Variants in FBLN1 observed in about 807,000 individuals in gnomAD.
FBLN1 encodes fibulin-1.
A neutral mutation model predicts 89.7 loss-of-function variants in FBLN1; 34 were observed. The observed-to-expected ratio is 0.38, with a 90% CI of 0.29 to 0.50. The LOEUF (loss-of-function observed/expected upper bound fraction) is 0.50. Among genes scored for constraint, FBLN1 ranks in the 20% least tolerant of loss-of-function variants. The probability of loss-of-function intolerance (pLI) is 0.92; values close to 1 mark genes in which losing one functional copy is unlikely to be tolerated. For missense variants in FBLN1, 777 were observed against 988.1 expected (o/e 0.79, Z 2.86); for synonymous variants, 393 against 391.3 (o/e 1.00, Z -0.05).
chr22:45,531,193 A>G lies in FBLN1; in HGVS notation c.485-72A>G. 7.6e-7 allele frequency: 1 copy of G among 1,311,250 alleles called. No individual in the cohort carries two copies. The highest frequency in any genetic ancestry group is 1.2e-5 in the South Asian group (1 of 84,818). 81.2% of individuals were successfully genotyped at this position (1,311,250 alleles called of 1,614,324 possible). A position where few individuals can be genotyped will look rare whatever the true frequency, so the allele number is the denominator to read the frequency against. On this transcript the variant is annotated intron_variant, in intron 4 of 16. Transcript: ENST00000327858. The surrounding 1 kb of genome is among the most constrained non-coding windows in gnomAD (Gnocchi z 4.9). ...CTGCCTGATAGTGACAAGAAGAGAG[A>G]ATGTTGGGAGTTTCTTTTAAGATAA...
intron 8 of FBLN1, among the ~76,000 whole-genome samples, chr22:45,538,028 T>G (rs972963635): frequency 6.6e-6 from 1 of 152,236 alleles, no homozygotes; most frequent in South Asian, 2.1e-4. Context: ...GACTTTCCTC[T>G]CTACAGGGTG....
At chr22:45,552,752 C>G (rs1251638821) in intron 14 of FBLN1, among the ~76,000 whole-genome samples, 1 of 152,186 alleles carries the variant, frequency 6.6e-6, no homozygotes, top group African/African-American at 2.4e-5. Flanking sequence ...GGGCTGGTAA[C>G]TGGAGCATGA....
At chr22:45,586,981 C>T (rs575393546) in intron 16 of FBLN1, among the ~76,000 whole-genome samples, 2 of 152,268 alleles carry the variant, frequency 1.3e-5, no homozygotes, top group East Asian at 3.9e-4. Context: ...CCTTGACATG[C>T]TGCCGTTCTC....
At position 45,575,742 on chromosome 22, in the gene FBLN1, C is replaced by T. The variant is rs766021409; in HGVS notation, c.1840+1089C>T. ...TTTCTCTGGAGCAGGGCCTGGGCTG[C>T]GTGCTCCCAAGCCTGGCAGAGGGCT... On this transcript the variant is annotated intron_variant, in intron 15 of 16. Transcript: ENST00000327858. The surrounding 1 kb of genome is among the most constrained non-coding windows in gnomAD (Gnocchi z 6.3). Among the ~76,000 whole-genome samples, 6 of 152,164 alleles carry T rather than the reference C, an allele frequency of 3.9e-5. No individual in the cohort carries two copies. Among genetic ancestry groups the T allele is most frequent in the Non-Finnish European group, 5.9e-5 (4 of 68,022 alleles).
chr22:45,595,349 G>A (rs774789448), intron 16 of FBLN1, among the ~76,000 whole-genome samples: 4 of 152,172 alleles, frequency 2.6e-5, no homozygotes, highest in South Asian at 2.1e-4. Flanking sequence ...GTGTGCAGCC[G>A]TACAGTCTGT....
At chr22:45,511,745 G>T (rs62225001) in intron 1 of FBLN1, among the ~76,000 whole-genome samples, 2,676 of 151,978 alleles carry the variant, frequency 0.018, 37 homozygotes, top group Non-Finnish European at 0.031. Context: ...CACTGCTCCC[G>T]GCCTCTTCCC....
rs924607245 is a variant in FBLN1 at position 45,575,274 on chromosome 22, T to C, written c.1840+621T>C. Among the ~76,000 whole-genome samples the C allele has an allele frequency of 1.3e-5, 2 of 151,882 alleles. No individual in the cohort carries two copies. The highest frequency in any genetic ancestry group is 4.8e-5 in the African/African-American group (2 of 41,326). ...AGGGAGGGCCTCCGGGAGGAAGTGATGGCTAGGCTGGGTCCTGAGTGGTGA... is the reference window on the plus strand; with the variant it reads ...AGGGAGGGCCTCCGGGAGGAAGTGACGGCTAGGCTGGGTCCTGAGTGGTGA... On this transcript the variant is annotated intron_variant, in intron 15 of 16. Transcript: ENST00000327858. This position sits in a 1 kb window ranked among gnomAD's most constrained non-coding sequence, Gnocchi z 6.3.
rs967253168 is a variant in FBLN1, at chr22:45,532,127, G to T, written c.544+803G>T. On this transcript the variant is annotated intron_variant, in intron 5 of 16. Transcript: ENST00000327858. This position sits in a 1 kb window ranked among gnomAD's most constrained non-coding sequence, Gnocchi z 4.2. ...CCCTGTGGTTAGGGTGTTAATTAGGGGCCAGTTTAATTCTTAAATGATGCA... is the reference window on the plus strand; with the variant it reads ...CCCTGTGGTTAGGGTGTTAATTAGGTGCCAGTTTAATTCTTAAATGATGCA... Among the ~76,000 whole-genome samples, 1 of 152,168 alleles carries T rather than the reference G, an allele frequency of 6.6e-6. No individual in the cohort carries two copies. Among genetic ancestry groups the T allele is most frequent in the Non-Finnish European group, 1.5e-5 (1 of 68,034 alleles).
chr22:45,593,250 C>T (rs1277117206), intron 16 of FBLN1, among the ~76,000 whole-genome samples: 3 of 143,524 alleles, frequency 2.1e-5, no homozygotes, highest in African/African-American at 5.2e-5. Flanking sequence ...AAGATGGCTT[C>T]GAGATGGGGC....
chr22:45,538,306 CTATT>C (rs1328103017), intron 8 of FBLN1, among the ~76,000 whole-genome samples: 2 of 152,240 alleles, frequency 1.3e-5, no homozygotes, highest in Non-Finnish European at 2.9e-5. Flanking sequence ...TAAAAGATCT[CTATT>C]TATTTCAAAA....
intron 14 of FBLN1, among the ~76,000 whole-genome samples, chr22:45,554,220 C>T (rs1454920457): frequency 6.6e-6 from 1 of 152,010 alleles, no homozygotes; most frequent in Non-Finnish European, 1.5e-5. Context: ...TCCCTGCACC[C>T]GGAAGCGCAG....
At chr22:45,570,816 G>A (rs1249213147) in intron 14 of FBLN1, among the ~76,000 whole-genome samples, 1 of 152,088 alleles carries the variant, frequency 6.6e-6, no homozygotes, top group African/African-American at 2.4e-5. Flanking sequence ...ACATTCTTGT[G>A]AAATTATTGT....
At chr22:45,554,010 T>TGC (rs1435384725) in intron 14 of FBLN1, among the ~76,000 whole-genome samples, 2 of 152,250 alleles carry the variant, frequency 1.3e-5, no homozygotes, top group East Asian at 3.8e-4. Flanking sequence ...CTTGTGTGTG[T>TGC]GCATACATTG....
intron 16 of FBLN1, among the ~76,000 whole-genome samples, chr22:45,584,486 G>A (rs1042504901): frequency 1.3e-5 from 2 of 152,204 alleles, no homozygotes; most frequent in Non-Finnish European, 2.9e-5. Flanking sequence ...TGTGGCCGCG[G>A]CAAACTGCTC....
rs1301254500 is a variant in FBLN1, at chr22:45,561,846, G to T, written c.1697+11231G>T. 6.6e-6 allele frequency among the ~76,000 whole-genome samples: 1 copy of T among 152,176 alleles called. No individual in the cohort carries two copies. Among genetic ancestry groups the T allele is most frequent in the Non-Finnish European group, 1.5e-5 (1 of 68,036 alleles). ...CCGAGTCCCAAAACTGAAGAACTTG[G>T]AGTCCGATGTTCAAGGGCAGGAAGC... On this transcript the variant is annotated intron_variant, in intron 14 of 16. Coordinates refer to ENST00000327858, the MANE Select transcript of FBLN1 (RefSeq NM_006486.3). The surrounding 1 kb of genome is among the most constrained non-coding windows in gnomAD (Gnocchi z 4.7).
intron 16 of FBLN1, among the ~76,000 whole-genome samples, chr22:45,589,126 T>TA (rs560888718): frequency 1.4e-5 from 2 of 148,056 alleles, no homozygotes; most frequent in Non-Finnish European, 3.0e-5. Flanking sequence ...TTTATATATA[T>TA]AAAAAATATG....
chr22:45,512,238 C>A (rs561683113), intron 1 of FBLN1, among the ~76,000 whole-genome samples: 1 of 152,022 alleles, frequency 6.6e-6, no homozygotes, highest in Non-Finnish European at 1.5e-5. Context: ...TCACAGTGTT[C>A]CAGGGCTGCT....
Position 45,578,803 on chromosome 22 carries a change from C to A in FBLN1, c.1972+1695C>A, listed in dbSNP as rs959526753. 6.6e-6 allele frequency among the ~76,000 whole-genome samples: 1 copy of A among 152,174 alleles called. No homozygotes were observed. The highest frequency in any genetic ancestry group is 6.5e-5 in the Admixed American group (1 of 15,284). ...AACATGGGAGTTTGGAATCCTAGGACCTTCTAGTTCACTCACTCATTCTTT... is the reference window on the plus strand; with the variant it reads ...AACATGGGAGTTTGGAATCCTAGGAACTTCTAGTTCACTCACTCATTCTTT... On this transcript the variant is annotated intron_variant, in intron 16 of 16. Coordinates refer to ENST00000327858, the MANE Select transcript of FBLN1 (RefSeq NM_006486.3). This position sits in a 1 kb window ranked among gnomAD's most constrained non-coding sequence, Gnocchi z 4.6.
rs115517230 is a variant in FBLN1 at position 45,565,059 on chromosome 22, C to T, written c.1698-9452C>T. The T allele has an allele frequency of 6.2e-4, 988 of 1,606,238 alleles. 6 individuals are homozygous for T. The African/African-American group carries it at 0.012, about 19-fold the overall frequency. On this transcript the variant is annotated intron_variant, in intron 14 of 16. Coordinates refer to ENST00000327858, the MANE Select transcript of FBLN1 (RefSeq NM_006486.3). Reference sequence around the variant, plus strand: ...GCGCTGAGCAGCTGTGATTGTGCCACGGGAGCATGAGCCCTTTTCCCCACG... The same window carrying T: ...GCGCTGAGCAGCTGTGATTGTGCCATGGGAGCATGAGCCCTTTTCCCCACG...
Sources: allele counts gnomAD v4.1 joint callset (sites outside exome capture counted in the v4.1 genomes callset), GRCh38; gene constraint gnomAD v4.1.1; non-coding constraint Gnocchi (gnomAD v3.1); transcripts MANE v1.5; gene names NCBI Gene and HGNC (gene_info 2026-07-23, HGNC 2026-07-21).